CSMD1: variants seen among roughly 807,000 people sequenced by gnomAD.
The protein encoded by CSMD1 is CUB and sushi domain-containing protein 1.
Under a neutral mutation model 417.5 loss-of-function variants are expected in CSMD1, and 213 were observed. The observed-to-expected ratio is 0.51, with a 90% CI of 0.46 to 0.57. The LOEUF (loss-of-function observed/expected upper bound fraction) is 0.57. Among genes scored for constraint, CSMD1 ranks in the 20% least tolerant of loss-of-function variants. CSMD1 has a pLI of 0.00. For synonymous variants in CSMD1, 2,862 were observed against 1,736.8 expected, an observed-to-expected ratio of 1.65 and a Z score of -16.11; for missense variants, 6,923 against 4,529.7, an observed-to-expected ratio of 1.53 and a Z score of -15.17.
chr8:4,835,463 G>C (rs1017286334), intron 1 of CSMD1, among the ~76,000 whole-genome samples: 1 of 152,172 alleles, frequency 6.6e-6, no homozygotes, highest in Non-Finnish European at 1.5e-5. Flanking sequence ...TAAAGGGAGA[G>C]ACAGTGGATT....
chr8:4,438,901 G>C (rs1034691933), intron 2 of CSMD1, among the ~76,000 whole-genome samples: 3 of 152,216 alleles, frequency 2.0e-5, no homozygotes, highest in South Asian at 4.1e-4. Context: ...GACCAACGGA[G>C]TTTAAGTATG....
chr8:3,542,659 T>A (rs899002335), intron 10 of CSMD1, among the ~76,000 whole-genome samples: 1 of 152,168 alleles, frequency 6.6e-6, no homozygotes, highest in Non-Finnish European at 1.5e-5. Flanking sequence ...ACAGTTCAGA[T>A]GTGTTTCTCC....
intron 3 of CSMD1, among the ~76,000 whole-genome samples, chr8:4,035,149 G>A (rs899914857): frequency 6.6e-6 from 1 of 151,366 alleles, no homozygotes. Flanking sequence ...TACAACATCG[G>A]TCCCAGGAGA....
chr8:3,555,387 T>G (rs1030742719), intron 10 of CSMD1, among the ~76,000 whole-genome samples: 1 of 152,236 alleles, frequency 6.6e-6, no homozygotes, highest in East Asian at 2.0e-4. Context: ...CTGAACGCTG[T>G]AAGAATTTAG....
At chr8:3,423,251 G>GT (rs1374203944) in intron 12 of CSMD1, among the ~76,000 whole-genome samples, 4 of 152,122 alleles carry the variant, frequency 2.6e-5, no homozygotes, top group African/African-American at 9.7e-5. Context: ...AAAGGTTATA[G>GT]TCATGTATCC....
At chr8:3,867,790 G>C (rs1457627296) in intron 5 of CSMD1, among the ~76,000 whole-genome samples, 2 of 152,062 alleles carry the variant, frequency 1.3e-5, no homozygotes, top group African/African-American at 4.8e-5. Flanking sequence ...TGTATATGTG[G>C]AGTATGACTC....
intron 1 of CSMD1, among the ~76,000 whole-genome samples, chr8:4,785,944 A>G (rs968692132): frequency 6.6e-6 from 1 of 152,172 alleles, no homozygotes; most frequent in African/African-American, 2.4e-5. Context: ...CCCCTGAATT[A>G]AAGTTTTCAA....
intron 10 of CSMD1, among the ~76,000 whole-genome samples, chr8:3,535,611 T>C (rs891007009): frequency 3.9e-5 from 6 of 152,198 alleles, no homozygotes; most frequent in Non-Finnish European, 8.8e-5. Flanking sequence ...ATGGGTATAA[T>C]GTACCTTATT....
At chr8:3,275,105 C>G (rs1245358806) in intron 26 of CSMD1, among the ~76,000 whole-genome samples, 1 of 152,092 alleles carries the variant, frequency 6.6e-6, no homozygotes, top group East Asian at 1.9e-4. Context: ...CCTTCAGGAG[C>G]TCTGTTAGTG....
chr8:3,829,288 C>T (rs1022451548), intron 5 of CSMD1, among the ~76,000 whole-genome samples: 1 of 152,104 alleles, frequency 6.6e-6, no homozygotes, highest in African/African-American at 2.4e-5. Context: ...GTTTGGTTTT[C>T]CATTCCTGAG....
At chr8:4,694,787 G>A (rs1424096238) in intron 1 of CSMD1, among the ~76,000 whole-genome samples, 5 of 152,062 alleles carry the variant, frequency 3.3e-5, no homozygotes, top group Non-Finnish European at 7.4e-5. Context: ...ACGGGACTGC[G>A]CGTCCTTAAC....
At chr8:4,750,682 T>C (rs1811259843) in intron 1 of CSMD1, among the ~76,000 whole-genome samples, 2 of 152,094 alleles carry the variant, frequency 1.3e-5, no homozygotes. Context: ...AAATTCATTG[T>C]GATTAAACTG....
intron 1 of CSMD1, among the ~76,000 whole-genome samples, chr8:4,642,141 G>C (rs1052767631): frequency 6.6e-6 from 1 of 152,200 alleles, no homozygotes; most frequent in Non-Finnish European, 1.5e-5. Flanking sequence ...TGCAAGATGG[G>C]CAAGTGCTCG....
At chr8:4,869,944 A>G (rs1187771958) in intron 1 of CSMD1, among the ~76,000 whole-genome samples, 2 of 152,100 alleles carry the variant, frequency 1.3e-5, no homozygotes, top group Non-Finnish European at 1.5e-5. Flanking sequence ...GTCCTAATCT[A>G]CAATAATCTT....
chr8:3,963,607 T>A (rs1487901771), intron 5 of CSMD1, among the ~76,000 whole-genome samples: 1 of 152,198 alleles, frequency 6.6e-6, no homozygotes, highest in Non-Finnish European at 1.5e-5. Flanking sequence ...AAGTTTAAAT[T>A]TAGTAGCACA....
At chr8:3,282,584 C>T (rs1486996425) in intron 26 of CSMD1, among the ~76,000 whole-genome samples, 1 of 151,926 alleles carries the variant, frequency 6.6e-6, no homozygotes, top group South Asian at 2.1e-4. Context: ...GAGTAAAGGA[C>T]TTTTTTTCCC....
intron 26 of CSMD1, among the ~76,000 whole-genome samples, chr8:3,240,924 C>CTAA (rs1563175362): frequency 1.4e-4 from 21 of 152,004 alleles, no homozygotes; most frequent in South Asian, 1.0e-3. Context: ...TGATAACAGG[C>CTAA]TTTAATCCTT....
chr8:3,950,080 G>T (rs188004563), intron 5 of CSMD1: 3 of 443,312 alleles, frequency 6.8e-6, no homozygotes, highest in Non-Finnish European at 1.4e-5. Flanking sequence ...AAAATAAAAA[G>T]AAAATCTTCC....
chr8:3,513,836 G>C (rs1262636948), intron 10 of CSMD1, among the ~76,000 whole-genome samples: 1 of 152,196 alleles, frequency 6.6e-6, no homozygotes, highest in Admixed American at 6.5e-5. Context: ...AAACTGCATT[G>C]CAGATTTGGA....
Sources: gnomAD v4.1 joint callset for allele counts (sites outside exome capture counted in the v4.1 genomes callset) on GRCh38, gnomAD v4.1.1 for gene constraint, MANE v1.5 for transcripts, NCBI Gene and HGNC (gene_info 2026-07-23, HGNC 2026-07-21) for gene names.